The following VPS53 variants were observed in gnomAD, a reference collection of about 807,000 sequenced individuals.
VPS53 encodes VPS53 subunit of GARP complex.
VPS53 carries 70 observed loss-of-function variants against 107.0 expected under a neutral mutation model. The ratio of observed to expected loss-of-function variants is 0.65; its 90% CI spans 0.54 to 0.80. The LOEUF (loss-of-function observed/expected upper bound fraction) is 0.80, where lower values mean the gene tolerates loss of function less well. VPS53 is among the 30% of genes least tolerant of loss of function. The pLI is 0.00. For missense variants in VPS53, 917 were observed against 1,049.4 expected, an observed-to-expected ratio of 0.87 and a Z score of 1.74; for synonymous variants, 409 against 393.3, an observed-to-expected ratio of 1.04 and a Z score of -0.47.
Position 562,637 on chromosome 17 carries a change from G to T in VPS53, c.1422C>A (p.Leu474=), listed in dbSNP as rs770310106. ...GGAVLPSCAD[L]FVYYKKCMVQ... is the part of the protein sequence containing the mutation. ...CCATGCACTTCTTGTAGTAGACAAA[G>T]AGGTCGGCGCAGCTGGGGAGCACGG... The change falls in exon 14 of 22, where the codon CTC becomes CTA. Residue 474 remains leucine, a synonymous_variant. Transcript: ENST00000437048. 2.5e-6 allele frequency: 4 copies of T among 1,614,020 alleles called. No homozygotes were observed. The highest frequency in any genetic ancestry group is 1.3e-5 in the African/African-American group (1 of 75,004).
chr17:653,556 G>A (rs553431161), intron 6 of VPS53, 146 bp from the exon 7 acceptor site: 101 of 1,281,646 alleles, frequency 7.9e-5, no homozygotes, highest in Middle Eastern at 7.0e-4. Context: ...GCTGCTGTGC[G>A]TTGTGGGAGG....
intron 15 of VPS53, among the ~76,000 whole-genome samples, chr17:559,119 T>A (rs1912711614): frequency 6.6e-6 from 1 of 152,150 alleles, no homozygotes; most frequent in South Asian, 2.1e-4. Context: ...ATCATTATAA[T>A]GACAGGAGAA....
chr17:683,952 T>C (rs1476889223), intron 4 of VPS53, among the ~76,000 whole-genome samples: 1 of 152,128 alleles, frequency 6.6e-6, no homozygotes, highest in Non-Finnish European at 1.5e-5. Context: ...TCATAATACG[T>C]AAAAACAAGA....
intron 1 of VPS53, among the ~76,000 whole-genome samples, chr17:713,218 C>A (rs1274344601): frequency 6.6e-6 from 1 of 151,998 alleles, no homozygotes; most frequent in African/African-American, 2.4e-5. Context: ...AAAAAGTTTC[C>A]CAGGGGTCAT....
rs988395385 is a variant in VPS53 at position 648,048 on chromosome 17, G to A, written c.608+5243C>T. On this transcript the variant is annotated intron_variant, in intron 7 of 21. Transcript: ENST00000437048. ...GAACTTCAGCAGTAGCCAGAGGGGCGGCCAACACCCAAGAAGACCAGGGAG... is the reference window on the plus strand; with the variant it reads ...GAACTTCAGCAGTAGCCAGAGGGGCAGCCAACACCCAAGAAGACCAGGGAG... Among the ~76,000 whole-genome samples, 8 of 152,250 alleles carry A rather than the reference G, an allele frequency of 5.3e-5. No individual in the cohort carries two copies. In the South Asian group the frequency reaches 8.3e-4, roughly 16 times the overall value.
intron 5 of VPS53, among the ~76,000 whole-genome samples, chr17:659,701 A>G (rs991342305): frequency 1.3e-5 from 2 of 151,784 alleles, no homozygotes; most frequent in East Asian, 1.9e-4. Flanking sequence ...CCTTCTCTCT[A>G]TGTCCTAAAT....
intron 17 of VPS53, chr17:540,558 ACAT>A (rs1267992849): frequency 6.6e-6 from 1 of 152,050 alleles, no homozygotes; most frequent in African/African-American, 2.4e-5. Flanking sequence ...GGAAGAACAA[ACAT>A]CATGAAAAGC....
At chr17:680,064 T>C (rs1972328623) in intron 4 of VPS53, among the ~76,000 whole-genome samples, 1 of 152,004 alleles carries the variant, frequency 6.6e-6, no homozygotes, top group Non-Finnish European at 1.5e-5. Flanking sequence ...GAGGCCGAAG[T>C]GGGTGAATCA....
intron 4 of VPS53, among the ~76,000 whole-genome samples, chr17:667,493 CT>C (rs1401728630): frequency 9.4e-6 from 1 of 106,732 alleles, no homozygotes; most frequent in African/African-American, 4.6e-5. Context: ...ACATAATGTT[CT>C]GGGGGGGGCA....
chr17:569,601 G>A lies in VPS53; in HGVS notation c.1314-6856C>T, dbSNP rs112525973. ...TAAAGTAGAATGCCAACTGATAAAC[G>A]CAGAAGAAATGATGTAGCTAGAAAA... is the stretch of plus-strand genomic sequence containing the variant. On this transcript the variant is annotated intron_variant, in intron 13 of 21. Transcript: ENST00000437048. 9.9e-5 allele frequency among the ~76,000 whole-genome samples: 15 copies of A among 152,222 alleles called. 1 individual carries two copies. The highest frequency in any genetic ancestry group is 2.2e-4 in the African/African-American group (9 of 41,546).
At chr17:692,094 C>T (rs534664741) in intron 4 of VPS53, among the ~76,000 whole-genome samples, 2 of 152,244 alleles carry the variant, frequency 1.3e-5, no homozygotes, top group South Asian at 2.1e-4. Flanking sequence ...GACAGAAACT[C>T]GGTGGCTGAT....
chr17:711,817 A>AT (rs11375713), intron 1 of VPS53, among the ~76,000 whole-genome samples: 30,970 of 142,478 alleles, frequency 0.22, 3,304 homozygotes, highest in Middle Eastern at 0.32. Context: ...TTCATGGGCA[A>AT]TTTTTTTTTT....
At chr17:695,872 A>T (rs1222116694) in intron 4 of VPS53, among the ~76,000 whole-genome samples, 1 of 152,220 alleles carries the variant, frequency 6.6e-6, no homozygotes, top group African/African-American at 2.4e-5. Context: ...TTTAGTGGCC[A>T]GAGCTGATAC....
chr17:646,423 A>T (rs1970712206), intron 7 of VPS53, among the ~76,000 whole-genome samples: 1 of 130,876 alleles, frequency 7.6e-6, no homozygotes, highest in African/African-American at 2.7e-5. Context: ...ATCTTTTCTA[A>T]TCCATACCAC....
rs993052017 is a variant in VPS53, at chr17:518,898, G to A, written c.*230C>T. ...TCCTCCACTGCTGCCTCTGCTTCAC[G>A]AACCAGAGATCACCTAAATCGCCCT... On this transcript the variant is annotated 3_prime_UTR_variant, in exon 22 of 22. Transcript: ENST00000437048. The A allele has an allele frequency of 2.0e-5, 8 of 404,978 alleles. No individual in the cohort carries two copies. Among genetic ancestry groups the A allele is most frequent in the South Asian group, 5.6e-5 (1 of 17,774 alleles). The allele number at this position is 404,978 out of a possible 1,614,324, so 25.1% of individuals were successfully genotyped here.
intron 11 of VPS53, among the ~76,000 whole-genome samples, chr17:622,528 G>C (rs899352078): frequency 1.3e-5 from 2 of 152,040 alleles, no homozygotes; most frequent in Admixed American, 1.3e-4. Context: ...TGCACGACTC[G>C]AGGAGACGGA....
chr17:511,071 T>TAAC lies in VPS53; in HGVS notation c.*8056_*8057insGTT, dbSNP rs898790399. On this transcript the variant is annotated 3_prime_UTR_variant, in exon 22 of 22. Coordinates refer to ENST00000437048, the MANE Select transcript of VPS53 (RefSeq NM_001128159.3). ...GTATGAGGCTGTGGGGGACTCTGTG[T>TAAC]AAACAGATGTTTTCTTTATATAGCA... is the stretch of plus-strand genomic sequence containing the variant. 1 of 152,350 alleles carries TAAC rather than the reference T, an allele frequency of 6.6e-6. No individual in the cohort carries two copies. The highest frequency in any genetic ancestry group is 2.4e-5 in the African/African-American group (1 of 41,462). 9.4% of individuals were successfully genotyped at this position (152,350 alleles called of 1,614,324 possible). A position where few individuals can be genotyped will look rare whatever the true frequency, so the allele number is the denominator to read the frequency against.
intron 10 of VPS53, among the ~76,000 whole-genome samples, chr17:625,045 G>A (rs941816835): frequency 1.4e-5 from 2 of 145,850 alleles, no homozygotes; most frequent in Non-Finnish European, 1.5e-5. Flanking sequence ...GGGCTGGAGT[G>A]CAATGGCATG....
At chr17:697,588 G>T in intron 3 of VPS53, 104 bp from the exon 4 acceptor site, 1 of 907,044 alleles carries the variant, frequency 1.1e-6, no homozygotes, top group African/African-American at 1.7e-5. Flanking sequence ...TCTGCAGACT[G>T]CACCTAATTG....
Sources: allele counts gnomAD v4.1 joint callset (sites outside exome capture counted in the v4.1 genomes callset), GRCh38; gene constraint gnomAD v4.1.1; transcripts MANE v1.5; gene names NCBI Gene and HGNC (gene_info 2026-07-23, HGNC 2026-07-21).